Variants in GPR161 observed in about 807,000 individuals in gnomAD.
GPR161 encodes the protein G protein-coupled receptor 161, also known as G-protein coupled receptor RE2.
GPR161 carries 25 observed loss-of-function variants against 39.2 expected under a neutral mutation model. The observed-to-expected ratio is 0.64, with a 90% CI of 0.47 to 0.89. GPR161 has a LOEUF of 0.89. Ranked by LOEUF, GPR161 falls within the 40% of genes least tolerant of loss-of-function variation. GPR161 has a pLI of 0.00. For missense variants in GPR161, 547 were observed against 677.8 expected (o/e 0.81, Z 2.14); for synonymous variants, 286 against 276.6 (o/e 1.03, Z -0.34).
chr1:168,137,410 G>C, upstream of GPR161: 2 of 1,534,758 alleles, frequency 1.3e-6, no homozygotes, highest in Non-Finnish European at 1.7e-6. Context: ...TCCAGCCGAC[G>C]GGCACGAGCA....
intron 3 of GPR161, among the ~76,000 whole-genome samples, chr1:168,096,306 C>T (rs779134129): frequency 1.6e-4 from 24 of 152,158 alleles, no homozygotes; most frequent in Non-Finnish European, 2.2e-4. Context: ...GCCTTGTCAG[C>T]ATGGCCGTGA....
In GPR161 at chr1:168,121,966, G is replaced by A. The variant is rs149373993; in HGVS notation, c.-45+14773C>T. On this transcript the variant is annotated intron_variant, in intron 1 of 5. Transcript: ENST00000682931. The stretch of plus-strand genomic sequence containing the variant: ...CAAGGCTGTTCCAAGTCTGTTTGGC[G>A]CTGCTGCCAGAAGTGGCTGTGGTGC... Among the ~76,000 whole-genome samples, 534 of 152,294 alleles carry A rather than the reference G, an allele frequency of 3.5e-3. 3 individuals carry two copies. The highest frequency in any genetic ancestry group is 0.011 in the African/African-American group (478 of 41,572).
In GPR161 at chr1:168,104,574, A is replaced by G. The variant is rs1696414783; in HGVS notation, c.277T>C (p.Trp93Arg). The change falls in exon 2 of 6, where the codon TGG (tryptophan) becomes CGG (arginine). Residue 93 changes from tryptophan to arginine, a missense_variant. Coordinates refer to ENST00000682931, the MANE Select transcript of GPR161 (RefSeq NM_001375883.1). ...FVVTSSIRRE[W>R]IFGVVWCNFS... ...TTGCACCACACTACACCAAAGATCC[A>G]TTCCCTGCGGATGGAGCTCGTCACC... is the stretch of plus-strand genomic sequence containing the variant. 6.2e-7 allele frequency: 1 copy of G among 1,614,010 alleles called. No individual in the cohort carries two copies. The highest frequency in any genetic ancestry group is 8.5e-7 in the Non-Finnish European group (1 of 1,179,976).
chr1:168,108,504 A>AAAAAAAAAAAC (rs1696837833), intron 1 of GPR161, among the ~76,000 whole-genome samples: 1 of 147,000 alleles, frequency 6.8e-6, no homozygotes, highest in South Asian at 2.1e-4. Context: ...AAAAAAAAAA[A>AAAAAAAAAAAC]AAAAAAAACT....
At chr1:168,134,847 G>T in intron 1 of GPR161, 1 of 1,452,192 alleles carries the variant, frequency 6.9e-7, no homozygotes, top group Non-Finnish European at 9.3e-7. Context: ...CCCGCCTCCT[G>T]CACTCAGGCT....
At chr1:168,091,110 A>C (rs1450513576) in intron 3 of GPR161, among the ~76,000 whole-genome samples, 1 of 152,216 alleles carries the variant, frequency 6.6e-6, no homozygotes, top group Non-Finnish European at 1.5e-5. Context: ...GTAAGCTGGA[A>C]AGCAGATGGT....
chr1:168,136,614 G>C (rs1226790850), intron 1 of GPR161, 125 bp downstream of exon 1: 1 of 1,229,630 alleles, frequency 8.1e-7, no homozygotes, highest in Non-Finnish European at 1.0e-6. Flanking sequence ...GGAGCGCCGT[G>C]GGGGCGGGGA....
chr1:168,114,849 C>T (rs1254385529), intron 1 of GPR161, among the ~76,000 whole-genome samples: 1 of 152,094 alleles, frequency 6.6e-6, no homozygotes, highest in Non-Finnish European at 1.5e-5. Context: ...TCTGGCCTAC[C>T]CTTTTTAAAT....
chr1:168,079,728 AC>A lies in GPR161; in HGVS notation c.*5802del, dbSNP rs1274274477. 6.6e-6 allele frequency: 1 copy of A among 152,122 alleles called. No individual in the cohort carries two copies. Among genetic ancestry groups the A allele is most frequent in the Non-Finnish European group, 1.5e-5 (1 of 68,014 alleles). The allele number at this position is 152,122 out of a possible 1,614,324, so 9.4% of individuals were successfully genotyped here. A position where few individuals can be genotyped will look rare whatever the true frequency, so the allele number is the denominator to read the frequency against. ...TTTGTTTTTCGAGGGTTGGTTTTTA[AC>A]CACTTCTTCATCCAGCGGTCTATTA... On this transcript the variant is annotated 3_prime_UTR_variant, in exon 6 of 6. Transcript: ENST00000682931.
intron 1 of GPR161, chr1:168,135,104 C>T: frequency 1.4e-6 from 2 of 1,444,288 alleles, no homozygotes; most frequent in Non-Finnish European, 1.8e-6. Context: ...GTCAAGCGGG[C>T]CTCTTAATGA....
intron 1 of GPR161, among the ~76,000 whole-genome samples, chr1:168,105,373 G>A (rs956829926): frequency 3.4e-4 from 51 of 152,164 alleles, no homozygotes; most frequent in Non-Finnish European, 3.1e-4. Context: ...GCTACTCAGG[G>A]TGGGCCCTGA....
At chr1:168,135,124 ATTC>A (rs1273785986) in intron 1 of GPR161, 1 of 1,407,776 alleles carries the variant, frequency 7.1e-7, no homozygotes, top group Admixed American at 2.5e-5. Context: ...AGGGGTCTCT[ATTC>A]TTGATGTTAT....
At position 168,084,127 on chromosome 1, in the gene GPR161, A is replaced by C. The variant is rs1694262099; in HGVS notation, c.*1404T>G. On this transcript the variant is annotated 3_prime_UTR_variant, in exon 6 of 6. Coordinates refer to ENST00000682931, the MANE Select transcript of GPR161 (RefSeq NM_001375883.1). Reference sequence around the variant, plus strand: ...AGGAGAAGAGAGGTTTAACCATCCCAATCACATTCCTGTGCTTCCCCTTCT... The same window carrying C: ...AGGAGAAGAGAGGTTTAACCATCCCCATCACATTCCTGTGCTTCCCCTTCT... 6.5e-6 allele frequency: 1 copy of C among 154,846 alleles called. No homozygotes were observed. The highest frequency in any genetic ancestry group is 6.3e-5 in the Admixed American group (1 of 15,898). 9.6% of individuals were successfully genotyped at this position (154,846 alleles called of 1,614,324 possible).
At chr1:168,092,086 C>A (rs1420052313) in intron 3 of GPR161, among the ~76,000 whole-genome samples, 11 of 152,232 alleles carry the variant, frequency 7.2e-5, no homozygotes, top group Non-Finnish European at 2.9e-5. Context: ...GAACTTCCCT[C>A]TCGCTGCTTT....
rs1572286711 is a variant in GPR161, at chr1:168,100,515, A to G, written c.375-3283T>C. On this transcript the variant is annotated intron_variant, in intron 2 of 5. Transcript: ENST00000682931. Reference sequence around the variant, plus strand: ...GCCCAATCACGACCCTTGAACCCTAAAGAGGCTTTCATGACGTCACAGGTA... The same window carrying G: ...GCCCAATCACGACCCTTGAACCCTAGAGAGGCTTTCATGACGTCACAGGTA... Among the ~76,000 whole-genome samples the G allele has an allele frequency of 2.0e-5, 3 of 152,318 alleles. No homozygotes were observed. In the East Asian group the frequency reaches 5.8e-4, roughly 29 times the overall value.
At chr1:168,137,225 C>G, upstream of GPR161, 1 of 1,470,626 alleles carries the variant, frequency 6.8e-7, no homozygotes, top group South Asian at 1.4e-5. Context: ...CAGGCCTTCC[C>G]TGTTCCCGTT....
chr1:168,114,209 G>T (rs2102208646), intron 1 of GPR161, among the ~76,000 whole-genome samples: 1 of 152,210 alleles, frequency 6.6e-6, no homozygotes, highest in South Asian at 2.1e-4. Context: ...CATTTTGATT[G>T]TCTTAAGGTG....
At chr1:168,111,329 G>A (rs990846794) in intron 1 of GPR161, among the ~76,000 whole-genome samples, 2 of 152,248 alleles carry the variant, frequency 1.3e-5, no homozygotes, top group Admixed American at 1.3e-4. Flanking sequence ...CTGGGATACA[G>A]ATCCTGATTG....
At chr1:168,107,991 G>A (rs1354151239) in intron 1 of GPR161, among the ~76,000 whole-genome samples, 1 of 152,192 alleles carries the variant, frequency 6.6e-6, no homozygotes, top group Non-Finnish European at 1.5e-5. Flanking sequence ...AGGAATAACT[G>A]AGGCTGGGTA....
Sources: allele counts gnomAD v4.1 joint callset (sites outside exome capture counted in the v4.1 genomes callset), GRCh38; gene constraint gnomAD v4.1.1; transcripts MANE v1.5; gene names NCBI Gene and HGNC (gene_info 2026-07-23, HGNC 2026-07-21).